Variants in DPF3 observed in about 807,000 individuals in gnomAD.
The protein encoded by DPF3 is double PHD fingers 3, also known as zinc finger protein DPF3.
In DPF3, 18 loss-of-function variants were observed where a neutral mutation model predicts 56.8. The observed-to-expected ratio is 0.32, with a 90% CI of 0.22 to 0.47. The LOEUF (loss-of-function observed/expected upper bound fraction) is 0.47. Among genes scored for constraint, DPF3 ranks in the 20% least tolerant of loss-of-function variants. DPF3 has a pLI of 1.00. For missense variants in DPF3, 403 were observed against 488.8 expected, an observed-to-expected ratio of 0.82 and a Z score of 1.65; for synonymous variants, 188 against 180.2, an observed-to-expected ratio of 1.04 and a Z score of -0.35.
At chr14:72,803,786 A>G (rs1319381035) in intron 1 of DPF3, among the ~76,000 whole-genome samples, 1 of 152,236 alleles carries the variant, frequency 6.6e-6, no homozygotes, top group Admixed American at 6.5e-5. Flanking sequence ...ACATTCTCCA[A>G]TATGTCCCAG....
At chr14:72,824,510 CAA>C (rs1328883869) in intron 1 of DPF3, among the ~76,000 whole-genome samples, 1 of 151,968 alleles carries the variant, frequency 6.6e-6, no homozygotes, top group Non-Finnish European at 1.5e-5. Flanking sequence ...GTCGCTTCAA[CAA>C]GTTGCTTGTA....
At chr14:72,722,694 G>A (rs1407926427) in intron 5 of DPF3, among the ~76,000 whole-genome samples, 4 of 152,188 alleles carry the variant, frequency 2.6e-5, no homozygotes, top group Non-Finnish European at 5.9e-5. Flanking sequence ...TTTCCAGGTG[G>A]ACAGCAGCAG....
At chr14:72,738,808 T>C (rs987670908) in intron 3 of DPF3, among the ~76,000 whole-genome samples, 1 of 152,220 alleles carries the variant, frequency 6.6e-6, no homozygotes, top group Non-Finnish European at 1.5e-5. Context: ...TGTGGAGTGA[T>C]AGATACATTA....
chr14:72,819,937 T>C (rs909657393), intron 1 of DPF3, among the ~76,000 whole-genome samples: 47 of 152,270 alleles, frequency 3.1e-4, no homozygotes, highest in African/African-American at 1.1e-3. Flanking sequence ...GAACTTGTCT[T>C]ATTAAAAAAC....
chr14:72,703,332 G>T (rs553970683), intron 6 of DPF3, among the ~76,000 whole-genome samples: 78 of 152,246 alleles, frequency 5.1e-4, no homozygotes, highest in African/African-American at 1.8e-3. Context: ...ATTTCTTGGG[G>T]CCTGGTGGTG....
intron 1 of DPF3, among the ~76,000 whole-genome samples, chr14:72,890,612 A>G (rs1374442472): frequency 6.6e-6 from 1 of 152,176 alleles, no homozygotes. Context: ...TGTTACCTGC[A>G]TGTGTTTACT....
Position 72,670,033 on chromosome 14 carries a change from G to A in DPF3, c.871+4207C>T, listed in dbSNP as rs766197669. On this transcript the variant is annotated intron_variant, in intron 8 of 10. Coordinates refer to ENST00000556509, the MANE Select transcript of DPF3 (RefSeq NM_001280542.3). ...CCTTCTCCATCGCCCCAGGGGCCTTGAGCAGTGTTGCTTTGGTTTATTTCA... is the reference window on the plus strand; with the variant it reads ...CCTTCTCCATCGCCCCAGGGGCCTTAAGCAGTGTTGCTTTGGTTTATTTCA... The A allele has an allele frequency of 1.6e-5, 16 of 985,908 alleles. No homozygotes were observed. The African/African-American group carries it at 2.8e-4, about 17-fold the overall frequency. The allele number at this position is 985,908 out of a possible 1,614,324, so 61.1% of individuals were successfully genotyped here.
intron 2 of DPF3, among the ~76,000 whole-genome samples, chr14:72,768,807 C>G (rs961457510): frequency 6.6e-6 from 1 of 151,914 alleles, no homozygotes; most frequent in African/African-American, 2.4e-5. Flanking sequence ...AATTTGGCTG[C>G]ACATGTTTAA....
At chr14:72,702,648 G>A (rs1417741945) in intron 6 of DPF3, among the ~76,000 whole-genome samples, 16 of 152,170 alleles carry the variant, frequency 1.1e-4, no homozygotes, top group Non-Finnish European at 1.5e-4. Context: ...TCTGGGGGAT[G>A]GAGGCATTCC....
chr14:72,701,104 C>G (rs1355062598), intron 6 of DPF3, among the ~76,000 whole-genome samples: 16 of 152,230 alleles, frequency 1.1e-4, no homozygotes, highest in Non-Finnish European at 4.4e-5. Flanking sequence ...TCAGCCTGAG[C>G]CCCAGGAGCG....
intron 1 of DPF3, among the ~76,000 whole-genome samples, chr14:72,839,635 G>A (rs1437758767): frequency 6.6e-6 from 1 of 152,172 alleles, no homozygotes; most frequent in Admixed American, 6.5e-5. Context: ...TAGGACAACC[G>A]GATGCCCTAC....
chr14:72,720,499 C>A (rs1448950769), intron 5 of DPF3, among the ~76,000 whole-genome samples: 1 of 152,154 alleles, frequency 6.6e-6, no homozygotes, highest in Non-Finnish European at 1.5e-5. Flanking sequence ...AACATGGAAC[C>A]ATTCAGCTGC....
At chr14:72,800,363 T>A (rs983381963) in intron 1 of DPF3, among the ~76,000 whole-genome samples, 2 of 148,628 alleles carry the variant, frequency 1.3e-5, no homozygotes, top group Admixed American at 6.9e-5. Flanking sequence ...CCTTATTAGA[T>A]GGATAAATAG....
intron 1 of DPF3, among the ~76,000 whole-genome samples, chr14:72,858,451 G>A (rs1174256801): frequency 6.6e-6 from 1 of 152,152 alleles, no homozygotes; most frequent in African/African-American, 2.4e-5. Flanking sequence ...CAGGCACCCT[G>A]ACTAGCTGTG....
chr14:72,712,023 C>T (rs964993873), intron 6 of DPF3, among the ~76,000 whole-genome samples: 2 of 151,922 alleles, frequency 1.3e-5, no homozygotes, highest in African/African-American at 4.8e-5. Flanking sequence ...TATTAATCAC[C>T]GAGCTGCCAC....
At chr14:72,717,876 T>A (rs1888997373) in intron 5 of DPF3, among the ~76,000 whole-genome samples, 1 of 152,158 alleles carries the variant, frequency 6.6e-6, no homozygotes, top group Non-Finnish European at 1.5e-5. Context: ...ACTTCATTCC[T>A]CTCTACCAGT....
intron 8 of DPF3, among the ~76,000 whole-genome samples, chr14:72,644,975 C>G (rs1733144416): frequency 6.6e-6 from 1 of 152,218 alleles, no homozygotes; most frequent in Non-Finnish European, 1.5e-5. Context: ...TGGATAAGAC[C>G]TTATGATCCT....
intron 1 of DPF3, 92 bp from the exon 2 acceptor site, chr14:72,771,985 A>G (rs1407730871): frequency 6.0e-6 from 8 of 1,323,154 alleles, no homozygotes; most frequent in Non-Finnish European, 7.8e-6. Flanking sequence ...ACCTCCCTGG[A>G]AAGACTGAAG....
intron 1 of DPF3, among the ~76,000 whole-genome samples, chr14:72,852,250 C>G (rs562476843): frequency 6.6e-6 from 1 of 152,104 alleles, no homozygotes; most frequent in East Asian, 1.9e-4. Context: ...CCCTAGGAGA[C>G]CACGGAGTGA....
Sources: allele counts gnomAD v4.1 joint callset (sites outside exome capture counted in the v4.1 genomes callset), GRCh38; gene constraint gnomAD v4.1.1; transcripts MANE v1.5; gene names NCBI Gene and HGNC (gene_info 2026-07-23, HGNC 2026-07-21).